SGCZ: variants seen among roughly 807,000 people sequenced by gnomAD.
SGCZ encodes the protein sarcoglycan zeta.
A neutral mutation model predicts 41.3 loss-of-function variants in SGCZ; 40 were observed. The ratio of observed to expected loss-of-function variants is 0.97; its 90% confidence interval spans 0.75 to 1.26. The LOEUF is 1.26. SGCZ is among the 50% of genes most tolerant of loss of function. The pLI is 0.00. For synonymous variants in SGCZ, 206 were observed against 137.5 expected (o/e 1.50, Z -3.49); for missense variants, 552 against 369.8 (o/e 1.49, Z -4.04).
intron 1 of SGCZ, among the ~76,000 whole-genome samples, chr8:14,856,915 A>G (rs530899956): frequency 1.4e-4 from 22 of 152,124 alleles, no homozygotes; most frequent in Non-Finnish European, 2.6e-4. Context: ...GTCAGTGTCA[A>G]TAACAGTTAT....
intron 3 of SGCZ, among the ~76,000 whole-genome samples, chr8:14,253,812 T>C (rs1192216808): frequency 6.6e-6 from 1 of 152,094 alleles, no homozygotes; most frequent in Non-Finnish European, 1.5e-5. Flanking sequence ...CTAATAAACA[T>C]TAGCAAATAT....
At chr8:14,671,346 T>C (rs1052451826) in intron 1 of SGCZ, among the ~76,000 whole-genome samples, 4 of 152,196 alleles carry the variant, frequency 2.6e-5, no homozygotes, top group African/African-American at 4.8e-5. Flanking sequence ...GAGTTTCTTA[T>C]CAGGTGTTAA....
intron 1 of SGCZ, among the ~76,000 whole-genome samples, chr8:14,698,630 G>T (rs1355167716): frequency 2.6e-5 from 4 of 151,766 alleles, no homozygotes; most frequent in Non-Finnish European, 5.9e-5. Context: ...GCATATGTGT[G>T]GGGGGGTATA....
In SGCZ at chr8:14,840,229, T is replaced by C. The variant is rs143721849; in HGVS notation, c.40-285303A>G. Among the ~76,000 whole-genome samples the C allele has an allele frequency of 4.1e-3, 624 of 152,232 alleles. 2 individuals are homozygous for C. Among genetic ancestry groups the C allele is most frequent in the Non-Finnish European group, 5.3e-3 (359 of 67,960 alleles). ...TAAATACAAGAGAGATGAGTGTTAATCAGGGTTGCCAGTGAAGTCTCCTTG... is the reference window on the plus strand; with the variant it reads ...TAAATACAAGAGAGATGAGTGTTAACCAGGGTTGCCAGTGAAGTCTCCTTG... On this transcript the variant is annotated intron_variant, in intron 1 of 7. Coordinates refer to ENST00000382080, the MANE Select transcript of SGCZ (RefSeq NM_139167.4).
Position 14,744,993 on chromosome 8 carries a change from C to A in SGCZ, c.40-190067G>T, listed in dbSNP as rs142567382. ...AATGTTTTACTTGTCATCATTATGA[C>A]CCTAACACTTAGCTCTCCAATAACA... On this transcript the variant is annotated intron_variant, in intron 1 of 7. Transcript: ENST00000382080. Among the ~76,000 whole-genome samples, 580 of 152,240 alleles carry A rather than the reference C, an allele frequency of 3.8e-3. 5 individuals carry two copies. The highest frequency in any genetic ancestry group is 0.013 in the African/African-American group (529 of 41,538).
intron 7 of SGCZ, among the ~76,000 whole-genome samples, chr8:14,098,381 A>G (rs1801909563): frequency 6.6e-6 from 1 of 152,090 alleles, no homozygotes; most frequent in Non-Finnish European, 1.5e-5. Context: ...AAGGCAATAC[A>G]TTTTGGGGGT....
intron 2 of SGCZ, among the ~76,000 whole-genome samples, chr8:14,351,945 T>C (rs757617219): frequency 1.9e-4 from 29 of 152,236 alleles, no homozygotes; most frequent in Non-Finnish European, 3.8e-4. Context: ...TTTTCACATA[T>C]ATAAAGTACA....
intron 4 of SGCZ, among the ~76,000 whole-genome samples, chr8:14,179,518 C>G (rs777675419): frequency 6.6e-6 from 1 of 152,178 alleles, no homozygotes; most frequent in African/African-American, 2.4e-5. Flanking sequence ...TGTCTAGACT[C>G]TCTTTGCCCA....
At chr8:14,394,715 G>C (rs760803331) in intron 2 of SGCZ, among the ~76,000 whole-genome samples, 2 of 152,096 alleles carry the variant, frequency 1.3e-5, no homozygotes, top group Non-Finnish European at 2.9e-5. Flanking sequence ...GAAATAATTG[G>C]AAATAAAGAA....
chr8:14,554,958 A>G, intron 1 of SGCZ, 32 bp from the exon 2 acceptor site: 1 of 1,497,312 alleles, frequency 6.7e-7, no homozygotes, highest in South Asian at 1.4e-5. Context: ...AAGAGAAAGA[A>G]GGAAAAAAAA....
At chr8:14,729,482 A>G (rs1279358261) in intron 1 of SGCZ, among the ~76,000 whole-genome samples, 1 of 152,176 alleles carries the variant, frequency 6.6e-6, no homozygotes, top group African/African-American at 2.4e-5. Context: ...TTTCAACACG[A>G]CTGGTGTCTT....
intron 2 of SGCZ, among the ~76,000 whole-genome samples, chr8:14,474,953 C>G (rs947834476): frequency 6.6e-6 from 1 of 152,100 alleles, no homozygotes; most frequent in African/African-American, 2.4e-5. Context: ...GTTGAAGCAG[C>G]CAAATGTCTG....
intron 3 of SGCZ, among the ~76,000 whole-genome samples, chr8:14,285,650 G>C (rs1203538101): frequency 1.3e-5 from 2 of 152,230 alleles, no homozygotes; most frequent in African/African-American, 4.8e-5. Flanking sequence ...ATTTATAAGA[G>C]AGGAAACAAA....
intron 1 of SGCZ, among the ~76,000 whole-genome samples, chr8:14,578,725 T>G (rs1056834067): frequency 5.9e-5 from 9 of 152,200 alleles, no homozygotes; most frequent in African/African-American, 1.4e-4. Flanking sequence ...AAATGATTCA[T>G]GGTAACAGTA....
rs374121400 is a variant in SGCZ at position 14,087,238 on chromosome 8, C to T, written c.*3205G>A. On this transcript the variant is annotated 3_prime_UTR_variant, in exon 8 of 8. Transcript: ENST00000382080. ...GTGTGTATGACTAATAAGTAAGTAC[C>T]GGATAGAAATTTTGGAAATGTTGAA... Among the ~76,000 whole-genome samples the T allele has an allele frequency of 1.7e-4, 26 of 151,080 alleles. No individual in the cohort carries two copies. Among genetic ancestry groups the T allele is most frequent in the African/African-American group, 3.9e-4 (16 of 41,172 alleles).
At chr8:14,734,911 A>T (rs1409943265) in intron 1 of SGCZ, among the ~76,000 whole-genome samples, 1 of 152,210 alleles carries the variant, frequency 6.6e-6, no homozygotes, top group East Asian at 1.9e-4. Context: ...TCTCTTGTTT[A>T]ACATGGTATG....
At chr8:15,207,480 G>A (rs1166177846) in intron 1 of SGCZ, among the ~76,000 whole-genome samples, 1 of 152,054 alleles carries the variant, frequency 6.6e-6, no homozygotes, top group East Asian at 1.9e-4. Flanking sequence ...TGAAAAGAGT[G>A]GGATCATAGA....
chr8:14,618,070 T>C (rs1006375146), intron 1 of SGCZ, among the ~76,000 whole-genome samples: 26 of 147,384 alleles, frequency 1.8e-4, no homozygotes, highest in African/African-American at 6.0e-4. Flanking sequence ...GCTAACTTCA[T>C]GCCTTTTCAT....
At chr8:15,105,273 T>G (rs1806779247) in intron 1 of SGCZ, among the ~76,000 whole-genome samples, 2 of 152,178 alleles carry the variant, frequency 1.3e-5, no homozygotes, top group African/African-American at 4.8e-5. Context: ...ATTTTCGACC[T>G]TGTCCATGAT....
Sources: allele counts gnomAD v4.1 joint callset (sites outside exome capture counted in the v4.1 genomes callset), GRCh38; gene constraint gnomAD v4.1.1; transcripts MANE v1.5; gene names NCBI Gene and HGNC (gene_info 2026-07-23, HGNC 2026-07-21).